Variants in PRH1 observed in about 807,000 individuals in gnomAD.
PRH1 encodes the protein salivary acidic proline-rich phosphoprotein 1/2.
A neutral mutation model predicts 7.9 loss-of-function variants in PRH1; 7 were observed. The observed-to-expected ratio is 0.89, with a 90% CI of 0.50 to 1.67. PRH1 has a LOEUF of 1.67. Ranked by LOEUF, PRH1 falls within the 40% of genes most tolerant of loss-of-function variation. The pLI is 0.00. For synonymous variants in PRH1, 45 were observed against 80.8 expected, an observed-to-expected ratio of 0.56 and a Z score of 2.38; for missense variants, 109 against 223.6, an observed-to-expected ratio of 0.49 and a Z score of 3.27.
chr12:11,134,658 G>C (rs1277224325), intron 1 of PRH1: 3 of 182,834 alleles, frequency 1.6e-5, no homozygotes, highest in Non-Finnish European at 3.4e-5. Flanking sequence ...AGTTGCTTGG[G>C]AAGTTTTATA....
chr12:10,976,801 A>G (rs1201977975), intron 1 of PRH1, among the ~76,000 whole-genome samples: 1 of 152,204 alleles, frequency 6.6e-6, no homozygotes, highest in East Asian at 1.9e-4. Context: ...TATGCATACA[A>G]GCTAGAAAAC....
intron 2 of PRH1, among the ~76,000 whole-genome samples, chr12:10,962,267 C>T (rs1020555642): frequency 6.8e-6 from 1 of 147,484 alleles, no homozygotes; most frequent in Non-Finnish European, 1.5e-5. Flanking sequence ...TAATTCATAA[C>T]TAACTCAATT....
intron 1 of PRH1, among the ~76,000 whole-genome samples, chr12:11,022,810 A>C (rs1941727836): frequency 6.6e-6 from 1 of 152,168 alleles, no homozygotes; most frequent in African/African-American, 2.4e-5. Context: ...ACTCCTCTTC[A>C]TATACATTCT....
At chr12:10,959,385 T>G (rs1041789672) in intron 2 of PRH1, among the ~76,000 whole-genome samples, 1 of 152,110 alleles carries the variant, frequency 6.6e-6, no homozygotes, top group Non-Finnish European at 1.5e-5. Context: ...GATTAAATGT[T>G]GGCATCATCA....
intron 1 of PRH1, among the ~76,000 whole-genome samples, chr12:11,132,338 A>AT (rs1002746029): frequency 1.1e-3 from 160 of 146,328 alleles, no homozygotes; most frequent in African/African-American, 3.8e-3. Flanking sequence ...ACATTGACAG[A>AT]TTTTTTTTTA....
rs535228291 is a variant in PRH1, at chr12:11,128,033, C to T, written n.40-6853G>A. 2.7e-5 allele frequency among the ~76,000 whole-genome samples: 4 copies of T among 148,304 alleles called. No homozygotes were observed. In the East Asian group the frequency reaches 5.9e-4, roughly 22 times the overall value. On this transcript the variant is annotated intron_variant and non_coding_transcript_variant, in intron 1 of 1. Coordinates refer to the PRH1 transcript ENST00000541175. ...GGCTGAGGCCAGAGAATGGTGTGAA[C>T]CCAGGAGGCGGAGCTTGCAGTGAGC...
At chr12:11,079,050 T>C (rs1382513428) in intron 1 of PRH1, 1 of 151,400 alleles carries the variant, frequency 6.6e-6, no homozygotes, top group Non-Finnish European at 1.5e-5. Flanking sequence ...CAATGAATAA[T>C]ATTTATCAAA....
intron 1 of PRH1, among the ~76,000 whole-genome samples, chr12:11,143,600 GCCTA>G (rs1389891977): frequency 6.6e-6 from 1 of 151,910 alleles, no homozygotes; most frequent in Non-Finnish European, 1.5e-5. Context: ...AACACAATTC[GCCTA>G]TACAGACATG....
chr12:10,938,832 C>T (rs775047478), intron 2 of PRH1: 1 of 1,613,560 alleles, frequency 6.2e-7, no homozygotes, highest in South Asian at 1.1e-5. Context: ...ACCTTTTTAA[C>T]CCTCCACTTT....
intron 1 of PRH1, chr12:11,133,346 C>T: frequency 2.5e-6 from 4 of 1,613,580 alleles, no homozygotes; most frequent in Non-Finnish European, 3.4e-6. Flanking sequence ...GTCTTTCACC[C>T]AGTACCTCAC....
At chr12:10,983,009 C>A (rs1296332435) in intron 1 of PRH1, among the ~76,000 whole-genome samples, 1 of 152,192 alleles carries the variant, frequency 6.6e-6, no homozygotes, top group Admixed American at 6.5e-5. Flanking sequence ...TCAAGTCAAA[C>A]CCGAAACAAA....
At chr12:10,922,406 T>A (rs1003735548) in intron 2 of PRH1, among the ~76,000 whole-genome samples, 3 of 152,232 alleles carry the variant, frequency 2.0e-5, no homozygotes, top group Non-Finnish European at 4.4e-5. Context: ...TGTAGAAATG[T>A]TCATCTTTTT....
chr12:11,105,061 T>G (rs1945370233), intron 1 of PRH1, among the ~76,000 whole-genome samples: 1 of 151,988 alleles, frequency 6.6e-6, no homozygotes, highest in South Asian at 2.1e-4. Flanking sequence ...ACTCTTGTTA[T>G]AAGTAACTGT....
At chr12:11,129,440 A>T (rs1299787213) in intron 1 of PRH1, among the ~76,000 whole-genome samples, 1 of 152,296 alleles carries the variant, frequency 6.6e-6, no homozygotes, top group African/African-American at 2.4e-5. Context: ...AACAAAATAT[A>T]TAAAATATAA....
chr12:11,127,262 G>C (rs1306231941), intron 1 of PRH1, among the ~76,000 whole-genome samples: 4 of 152,280 alleles, frequency 2.6e-5, no homozygotes, highest in African/African-American at 9.6e-5. Context: ...TCATTTGCTA[G>C]CATGCAAATC....
intron 2 of PRH1, among the ~76,000 whole-genome samples, chr12:10,940,185 C>T (rs1950375594): frequency 6.6e-6 from 1 of 152,062 alleles, no homozygotes; most frequent in Admixed American, 6.6e-5. Context: ...TATTATTTTA[C>T]TTTTTACAAG....
rs1171569353 is a variant in PRH1 at position 11,092,837 on chromosome 12, G to A, written n.124-45649C>T. ...TGCACCTGATTTGTGAATGTGCTGTGACATTCTTTTTACTTTTAATTGTTG... is the reference window on the plus strand; with the variant it reads ...TGCACCTGATTTGTGAATGTGCTGTAACATTCTTTTTACTTTTAATTGTTG... On this transcript the variant is annotated intron_variant and non_coding_transcript_variant, in intron 1 of 4. Transcript: ENST00000541977. Among the ~76,000 whole-genome samples, 2 of 115,262 alleles carry A rather than the reference G, an allele frequency of 1.7e-5. 1 individual carries two copies. The highest frequency in any genetic ancestry group is 1.7e-4 in the Admixed American group (2 of 11,462). 75.6% of individuals were successfully genotyped at this position (115,262 alleles called of 152,430 possible).
intron 1 of PRH1, among the ~76,000 whole-genome samples, chr12:11,008,015 C>T: frequency 6.6e-6 from 1 of 152,020 alleles, no homozygotes; most frequent in East Asian, 1.9e-4. Context: ...GGAAATATGT[C>T]TACCCTTGTT....
chr12:10,949,124 A>G (rs564583435), intron 2 of PRH1, among the ~76,000 whole-genome samples: 16 of 152,136 alleles, frequency 1.1e-4, no homozygotes, highest in Non-Finnish European at 1.9e-4. Flanking sequence ...CAGTGTTTAT[A>G]TTCCTTTCCC....
Sources: gnomAD v4.1 joint callset for allele counts (sites outside exome capture counted in the v4.1 genomes callset) on GRCh38, gnomAD v4.1.1 for gene constraint, MANE v1.5 for transcripts, NCBI Gene and HGNC (gene_info 2026-07-23, HGNC 2026-07-21) for gene names.